Variants in MYO19 observed in about 807,000 individuals in gnomAD.
The protein encoded by MYO19 is myosin XIX.
A neutral mutation model predicts 129.2 loss-of-function variants in MYO19; 132 were observed. The ratio of observed to expected loss-of-function variants is 1.02; its 90% confidence interval spans 0.89 to 1.18. The LOEUF (loss-of-function observed/expected upper bound fraction) is 1.18, where lower values mean the gene tolerates loss of function less well. MYO19 is among the 50% of genes most tolerant of loss of function. The probability of loss-of-function intolerance (pLI) is 0.00; values close to 1 mark genes in which losing one functional copy is unlikely to be tolerated. For missense variants in MYO19, 1,210 were observed against 1,216.7 expected, an observed-to-expected ratio of 0.99 and a Z score of 0.08; for synonymous variants, 531 against 477.2, an observed-to-expected ratio of 1.11 and a Z score of -1.47.
At chr17:36,515,821 T>C in intron 7 of MYO19, 37 bp downstream of exon 7, 1 of 1,578,840 alleles carries the variant, frequency 6.3e-7, no homozygotes. Context: ...CCAGAGGAAA[T>C]GGGACTGAGA....
Position 36,505,417 on chromosome 17 carries a change from G to GAC in MYO19, c.1798-15_1798-14dup. 6.2e-7 allele frequency: 1 copy of GAC among 1,610,274 alleles called. No individual in the cohort carries two copies. Reference sequence around the variant, plus strand: ...GCTCCAGTGAGGCCTGCAGATGAGAGACCATGGGGTTAGGCAGGGAGAGGG... The same window carrying GAC: ...GCTCCAGTGAGGCCTGCAGATGAGAGACACCATGGGGTTAGGCAGGGAGAGGG... On this transcript the variant is annotated splice_polypyrimidine_tract_variant and intron_variant, in intron 18 of 25. Coordinates refer to ENST00000614623, the MANE Select transcript of MYO19 (RefSeq NM_001163735.2).
intron 6 of MYO19, among the ~76,000 whole-genome samples, chr17:36,517,826 C>T (rs935221189): frequency 6.6e-6 from 1 of 152,086 alleles, no homozygotes; most frequent in East Asian, 2.0e-4. Flanking sequence ...CGGTGGCTCA[C>T]GCCTGTAATC....
chr17:36,513,734 A>G lies in MYO19; in HGVS notation c.721-9T>C, dbSNP rs2072533955. On this transcript the variant is annotated splice_polypyrimidine_tract_variant and intron_variant, in intron 9 of 25. Coordinates refer to ENST00000614623, the MANE Select transcript of MYO19 (RefSeq NM_001163735.2). ...CTGGCTCCTTTGCAAATCTGTGGAG[A>G]AGGGTAGGTGGGAGGCTGGGTAGGG... 6.2e-7 allele frequency: 1 copy of G among 1,612,068 alleles called. No individual in the cohort carries two copies. The highest frequency in any genetic ancestry group is 1.3e-5 in the African/African-American group (1 of 74,814).
chr17:36,496,055 A>G lies in MYO19; in HGVS notation c.*196T>C. On this transcript the variant is annotated 3_prime_UTR_variant, in exon 26 of 26. Coordinates refer to ENST00000614623, the MANE Select transcript of MYO19 (RefSeq NM_001163735.2). ...GGTAACTACCAGCCCTGACACCATC[A>G]GTGCTTGATGTAGCCTGGAACCCCA... The G allele has an allele frequency of 1.2e-6, 1 of 832,302 alleles. No individual in the cohort carries two copies. Among genetic ancestry groups the G allele is most frequent in the South Asian group, 1.9e-5 (1 of 52,182 alleles). The allele number at this position is 832,302 out of a possible 1,614,324, so 51.6% of individuals were successfully genotyped here.
rs115210512 is a variant in MYO19 at position 36,530,615 on chromosome 17, G to A, written c.12+1912C>T. ...GGGACTACAGGCACGCGTAAAAGTGGCTTTTGTATTTTTTTTTTTTTTTGA... is the reference window on the plus strand; with the variant it reads ...GGGACTACAGGCACGCGTAAAAGTGACTTTTGTATTTTTTTTTTTTTTTGA... On this transcript the variant is annotated intron_variant, in intron 3 of 25. Coordinates refer to ENST00000614623, the MANE Select transcript of MYO19 (RefSeq NM_001163735.2). 5.0e-3 allele frequency among the ~76,000 whole-genome samples: 755 copies of A among 150,124 alleles called. 12 individuals are homozygous for A. The highest frequency in any genetic ancestry group is 0.026 in the East Asian group (131 of 5,108).
chr17:36,504,028 G>C lies in MYO19; in HGVS notation c.1906-8C>G. On this transcript the variant is annotated splice_region_variant and splice_polypyrimidine_tract_variant and intron_variant, in intron 19 of 25. Coordinates refer to ENST00000614623, the MANE Select transcript of MYO19 (RefSeq NM_001163735.2). Reference sequence around the variant, plus strand: ...CTCCAGCTGGCTCAGGACCTGCAAGGGTGGGGAGACAGGGCAGGCACCTGC... The same window carrying C: ...CTCCAGCTGGCTCAGGACCTGCAAGCGTGGGGAGACAGGGCAGGCACCTGC... 6.4e-7 allele frequency: 1 copy of C among 1,561,924 alleles called. No individual in the cohort carries two copies. The highest frequency in any genetic ancestry group is 8.6e-7 in the Non-Finnish European group (1 of 1,156,918).
intron 6 of MYO19, among the ~76,000 whole-genome samples, chr17:36,519,021 G>C (rs1404055363): frequency 1.3e-5 from 2 of 152,070 alleles, no homozygotes; most frequent in African/African-American, 2.4e-5. Context: ...CTCTGTGTGA[G>C]TAAACTGGGA....
chr17:36,513,140 G>C, intron 11 of MYO19: 2 of 1,390,384 alleles, frequency 1.4e-6, no homozygotes, highest in East Asian at 2.6e-5. Flanking sequence ...GGTAGCACTA[G>C]TTCTCTCTTC....
At chr17:36,543,191 C>G (rs375193889) in exon 1 of MYO19, 4 of 152,120 alleles carry the variant, frequency 2.6e-5, no homozygotes, top group Non-Finnish European at 5.9e-5. Context: ...TAGTTTCACT[C>G]GTCGCCCAGG....
In MYO19 at chr17:36,496,472, A is replaced by C. The variant is rs887826741; in HGVS notation, c.2758-66T>G. On this transcript the variant is annotated intron_variant, in intron 25 of 25. Coordinates refer to ENST00000614623, the MANE Select transcript of MYO19 (RefSeq NM_001163735.2). ...GGGAGTGCCAGGGCCTAACAACCCCACAGAGCAGACGCTAAAAATGCAAGA... is the reference window on the plus strand; with the variant it reads ...GGGAGTGCCAGGGCCTAACAACCCCCCAGAGCAGACGCTAAAAATGCAAGA... 2.2e-5 allele frequency: 34 copies of C among 1,512,448 alleles called. 1 individual carries two copies. The African/African-American group carries it at 3.3e-4, about 15-fold the overall frequency. The allele number at this position is 1,512,448 out of a possible 1,614,324, so 93.7% of individuals were successfully genotyped here.
intron 2 of MYO19, among the ~76,000 whole-genome samples, chr17:36,540,454 T>A: frequency 6.7e-6 from 1 of 149,256 alleles, no homozygotes; most frequent in East Asian, 2.1e-4. Context: ...CACTACAACC[T>A]CCGCCTCCCA....
At chr17:36,532,461 G>A (rs374840905) in intron 3 of MYO19, 66 bp downstream of exon 3, 632 of 1,543,384 alleles carry the variant, frequency 4.1e-4, no homozygotes, top group Non-Finnish European at 5.1e-4. Flanking sequence ...CTTCCTTCCA[G>A]GTTAGGGCTA....
At chr17:36,512,613 A>T in intron 11 of MYO19, 1 of 1,285,354 alleles carries the variant, frequency 7.8e-7, no homozygotes, top group Non-Finnish European at 1.0e-6. Flanking sequence ...TTGTCCACTT[A>T]TCCTGGGCTT....
In MYO19 at chr17:36,498,544, G is replaced by T; in HGVS notation, c.2479C>A (p.Leu827Ile). 1.2e-6 allele frequency: 2 copies of T among 1,611,176 alleles called. No homozygotes were observed. The change falls in exon 25 of 26, where the codon CTT becomes ATT. Residue 827 changes from leucine (L) to isoleucine (I), a missense_variant. By Grantham distance (5) the Leu-to-Ile change is conservative (BLOSUM62 2). Coordinates refer to ENST00000614623, the MANE Select transcript of MYO19 (RefSeq NM_001163735.2). ...WQKWRIRMAC[L>I]AAKELDGVEE... is the part of the protein sequence containing the mutation. ...ACACCATCCAGCTCTTTAGCAGCAA[G>T]GCAGGCCATTCTGATCTTAAAAAGC...
At chr17:36,514,083 T>A (rs71377888) in intron 9 of MYO19, among the ~76,000 whole-genome samples, 2 of 152,162 alleles carry the variant, frequency 1.3e-5, no homozygotes, top group African/African-American at 2.4e-5. Context: ...GGACTCCCAG[T>A]CCGATGGAAA....
chr17:36,496,782 C>A (rs1431147200), intron 25 of MYO19, among the ~76,000 whole-genome samples: 1 of 152,184 alleles, frequency 6.6e-6, no homozygotes, highest in African/African-American at 2.4e-5. Flanking sequence ...TTACTCCTTG[C>A]TGTGACTCCA....
At position 36,503,962 on chromosome 17, in the gene MYO19, C is replaced by T; in HGVS notation, c.1964G>A (p.Gly655Asp). 6.3e-7 allele frequency: 1 copy of T among 1,591,912 alleles called. No individual in the cohort carries two copies. Among genetic ancestry groups the T allele is most frequent in the Non-Finnish European group, 8.5e-7 (1 of 1,170,336 alleles). The change falls in exon 20 of 26, where the codon GGC becomes GAC. Residue 655 changes from glycine to aspartate, a missense_variant. Gly to Asp is a moderately conservative substitution (Grantham distance 94). Coordinates refer to ENST00000614623, the MANE Select transcript of MYO19 (RefSeq NM_001163735.2). ...LVETIHISAA[G>D]FPIRVSHRNF... Reference sequence around the variant, plus strand: ...CGAGCCCACTCACCGGATGGGGAAGCCAGCAGCACTGATATGGATGGTCTC... The same window carrying T: ...CGAGCCCACTCACCGGATGGGGAAGTCAGCAGCACTGATATGGATGGTCTC...
intron 19 of MYO19, 136 bp from the exon 20 acceptor site, chr17:36,504,156 T>C (rs2071721819): frequency 3.3e-6 from 2 of 609,328 alleles, no homozygotes; most frequent in South Asian, 2.3e-5. Context: ...CTAATGGGGG[T>C]ATCTCCTTGG....
chr17:36,540,411 C>A (rs1268988445), intron 2 of MYO19, among the ~76,000 whole-genome samples: 3 of 148,844 alleles, frequency 2.0e-5, no homozygotes, highest in Non-Finnish European at 4.4e-5. Context: ...TGCTCTGTCT[C>A]CCAGGCTGGA....
Sources: gnomAD v4.1 joint callset for allele counts (sites outside exome capture counted in the v4.1 genomes callset) on GRCh38, gnomAD v4.1.1 for gene constraint, MANE v1.5 for transcripts, NCBI Gene and HGNC (gene_info 2026-07-23, HGNC 2026-07-21) for gene names.